Variants in KLRC3 observed in about 807,000 individuals in gnomAD.
KLRC3 encodes the protein killer cell lectin like receptor C3, also known as NKG2-E type II integral membrane protein.
Under a neutral mutation model 23.6 loss-of-function variants are expected in KLRC3, and 16 were observed. The observed-to-expected ratio is 0.68, with a 90% CI of 0.46 to 1.03. The LOEUF (loss-of-function observed/expected upper bound fraction) is 1.03. Among genes scored for constraint, KLRC3 ranks in the 50% least tolerant of loss-of-function variants. The probability of loss-of-function intolerance (pLI) is 0.00; values close to 1 mark genes in which losing one functional copy is unlikely to be tolerated. For synonymous variants in KLRC3, 70 were observed against 71.8 expected, an observed-to-expected ratio of 0.98 and a Z score of 0.13; for missense variants, 209 against 232.2, an observed-to-expected ratio of 0.90 and a Z score of 0.65.
At chr12:10,418,634 T>A (rs1863679671) in intron 3 of KLRC3, 136 bp from the exon 4 acceptor site, 1 of 1,078,646 alleles carries the variant, frequency 9.3e-7, no homozygotes, top group South Asian at 1.7e-5. Flanking sequence ...AGTATATATT[T>A]TTTAATAACT....
At chr12:10,414,977 C>T (rs1357640202) in intron 6 of KLRC3, among the ~76,000 whole-genome samples, 3 of 151,934 alleles carry the variant, frequency 2.0e-5, no homozygotes, top group East Asian at 3.9e-4. Context: ...AAAATATCTG[C>T]ATTTCTGTAT....
Position 10,415,745 on chromosome 12 carries a change from G to A in KLRC3, c.637C>T (p.Arg213Cys), listed in dbSNP as rs569300623. 1.1e-5 allele frequency: 18 copies of A among 1,613,148 alleles called. No individual in the cohort carries two copies. The African/African-American group carries it at 1.2e-4, about 11-fold the overall frequency. ...CCACACTGGTCTGATATAAGTCCAC[G>A]TACATGTAGCATTGCACAGTTACGT... ...AERNCAMLHV[R>C]GLISDQCGSS... Residue 213 changes from arginine (R) to cysteine (C), a missense_variant, in exon 6 of 7, where the codon CGT (arginine) becomes TGT (cysteine). By Grantham distance (180) the Arg-to-Cys change is radical. Coordinates refer to ENST00000396439, the MANE Select transcript of KLRC3 (RefSeq NM_002261.3).
At chr12:10,417,721 C>T (rs958143286) in intron 4 of KLRC3, among the ~76,000 whole-genome samples, 6 of 152,208 alleles carry the variant, frequency 3.9e-5, no homozygotes, top group African/African-American at 1.2e-4. Context: ...CTCACTTCCC[C>T]ATCTAGAGAC....
chr12:10,418,545 A>G (rs994665349), intron 3 of KLRC3, 47 bp from the exon 4 acceptor site: 1 of 1,506,174 alleles, frequency 6.6e-7, no homozygotes, highest in Non-Finnish European at 9.1e-7. Context: ...AATTTTTAAA[A>G]ATGAAAATTA....
chr12:10,420,071 A>T (rs1863699732), intron 1 of KLRC3, 107 bp from the exon 2 acceptor site: 1 of 443,060 alleles, frequency 2.3e-6, no homozygotes, highest in African/African-American at 2.1e-5. Context: ...AGGGAAACAT[A>T]ATGATAAACT....
In KLRC3 at chr12:10,412,345, A is replaced by G; in HGVS notation, c.*227T>C. The G allele has an allele frequency of 3.6e-6, 2 of 561,120 alleles. No individual in the cohort carries two copies. The highest frequency in any genetic ancestry group is 4.4e-5 in the South Asian group (2 of 45,286). 34.8% of individuals were successfully genotyped at this position (561,120 alleles called of 1,614,324 possible). A position where few individuals can be genotyped will look rare whatever the true frequency, so the allele number is the denominator to read the frequency against. On this transcript the variant is annotated 3_prime_UTR_variant, in exon 7 of 7. Transcript: ENST00000396439. The stretch of plus-strand genomic sequence containing the variant: ...TTCATTGATTTATTTTCCAATCATA[A>G]CGGTCTGCATTTTAATATTAATATT...
chr12:10,416,633 A>AT (rs752520454), intron 5 of KLRC3, 34 bp downstream of exon 5: 72 of 1,579,640 alleles, frequency 4.6e-5, no homozygotes, highest in East Asian at 1.3e-4. Context: ...TATCCTTTAT[A>AT]TTTTTTTATA....
intron 5 of KLRC3, 97 bp downstream of exon 5, chr12:10,416,570 T>C: frequency 7.2e-7 from 1 of 1,397,446 alleles, no homozygotes; most frequent in East Asian, 2.5e-5. Context: ...TTTCCACATC[T>C]TTCTTCATAT....
rs754382407 is a variant in KLRC3, at chr12:10,418,394, C to T, written c.436G>A (p.Ala146Thr). The change falls in exon 4 of 7, where the codon GCT becomes ACT. Residue 146 changes from alanine to threonine, a missense_variant. By Grantham distance (58) the Ala-to-Thr change is moderately conservative. Transcript: ENST00000396439. The stretch of plus-strand genomic sequence containing the variant: ...AGCAGACTAGAAGAGTTCTTTGAAG[C>T]ACAGGCCTGCAAACTCTCTTCCCAA... ...RTWEESLQAC[A>T]SKNSSSLLCI... 3 of 1,612,196 alleles carry T rather than the reference C, an allele frequency of 1.9e-6. No homozygotes were observed. Among genetic ancestry groups the T allele is most frequent in the Non-Finnish European group, 2.5e-6 (3 of 1,178,404 alleles).
chr12:10,418,494 A>T lies in KLRC3; in HGVS notation c.336T>A (p.Arg112=). 6.3e-7 allele frequency: 1 copy of T among 1,575,382 alleles called. No individual in the cohort carries two copies. The highest frequency in any genetic ancestry group is 8.7e-7 in the Non-Finnish European group (1 of 1,150,110). ...SSPNARTQKA[R]HCGHCPEEWI... ...ACTCCTCAGGACAATGGCCACAATG[A>T]CGTGCTAATAAAGATATGAATTACT... is the stretch of plus-strand genomic sequence containing the variant. Residue 112 remains arginine, a synonymous_variant, in exon 4 of 7, where the codon CGT becomes CGA. Transcript: ENST00000396439.
In KLRC3 at chr12:10,420,491, C is replaced by T; in HGVS notation, c.60G>A (p.Gln20=). ...TTTTATTGCCTTTAGGTTTCCTTTG[C>T]TGCCACTTTGGGTCCTGGGCCAGAC... ...EVSLAQDPKW[Q]QRKPKGNKSS... is the part of the protein sequence containing the mutation. Residue 20 remains glutamine (Q), a synonymous_variant, in exon 1 of 7, where the codon CAG becomes CAA. Coordinates refer to ENST00000396439, the MANE Select transcript of KLRC3 (RefSeq NM_002261.3). The T allele has an allele frequency of 1.9e-6, 3 of 1,611,436 alleles. No homozygotes were observed. The highest frequency in any genetic ancestry group is 1.7e-6 in the Non-Finnish European group (2 of 1,179,146).
chr12:10,416,527 A>G lies in KLRC3; in HGVS notation c.587+140T>C, dbSNP rs147701735. On this transcript the variant is annotated intron_variant, in intron 5 of 6. Transcript: ENST00000396439. Reference sequence around the variant, plus strand: ...GGACATATATGGACTACTATGGTCTATTGTAAAATATTTGTATCAACATTT... The same window carrying G: ...GGACATATATGGACTACTATGGTCTGTTGTAAAATATTTGTATCAACATTT... 51 of 1,079,798 alleles carry G rather than the reference A, an allele frequency of 4.7e-5. No homozygotes were observed. The East Asian group carries it at 1.3e-3, about 27-fold the overall frequency. 66.9% of individuals were successfully genotyped at this position (1,079,798 alleles called of 1,614,324 possible). A position where few individuals can be genotyped will look rare whatever the true frequency, so the allele number is the denominator to read the frequency against.
At position 10,420,568 on chromosome 12, in the gene KLRC3, G is replaced by C. The variant is rs748781308; in HGVS notation, c.-18C>G. ...TTACTCATCTCTGCAGCTGTGTGAT[G>C]TGAGGGACTGTGCTCTATGATAACT... is the stretch of plus-strand genomic sequence containing the variant. On this transcript the variant is annotated 5_prime_UTR_variant, in exon 1 of 7. Transcript: ENST00000396439. 6.3e-7 allele frequency: 1 copy of C among 1,579,200 alleles called. No homozygotes were observed. The highest frequency in any genetic ancestry group is 1.4e-5 in the African/African-American group (1 of 72,128).
intron 6 of KLRC3, among the ~76,000 whole-genome samples, chr12:10,413,630 T>TTTA (rs932681340): frequency 4.6e-5 from 7 of 152,118 alleles, no homozygotes; most frequent in Non-Finnish European, 7.4e-5. Flanking sequence ...AGCGGTACTC[T>TTTA]TTATTATTAT....
At chr12:10,417,620 C>T (rs1474616212) in intron 4 of KLRC3, among the ~76,000 whole-genome samples, 1 of 147,428 alleles carries the variant, frequency 6.8e-6, no homozygotes, top group Non-Finnish European at 1.5e-5. Context: ...CCAGGAGACA[C>T]CAGGGTGGTT....
At chr12:10,418,246 T>C in intron 4 of KLRC3, 98 bp downstream of exon 4, 1 of 1,179,542 alleles carries the variant, frequency 8.5e-7, no homozygotes, top group Non-Finnish European at 1.2e-6. Context: ...TGAAAATATA[T>C]AAGCTAAATA....
intron 6 of KLRC3, among the ~76,000 whole-genome samples, chr12:10,414,123 C>A (rs1420659301): frequency 6.6e-6 from 1 of 152,068 alleles, no homozygotes; most frequent in Non-Finnish European, 1.5e-5. Context: ...AGAAACATAT[C>A]TTACCCTAGA....
rs745542924 is a variant in KLRC3 at position 10,418,461 on chromosome 12, T to C, written c.369A>G (p.Thr123=). 4 of 1,602,182 alleles carry C rather than the reference T, an allele frequency of 2.5e-6. No individual in the cohort carries two copies. Among genetic ancestry groups the C allele is most frequent in the African/African-American group, 1.3e-5 (1 of 74,660 alleles). ...CAATGTAATAACAACTGTTGGAATA[T>C]GTAATCCACTCCTCAGGACAATGGC... ...HCGHCPEEWI[T]YSNSCYYIGK... Residue 123 remains threonine, a synonymous_variant, in exon 4 of 7, where the codon ACA becomes ACG. Coordinates refer to ENST00000396439, the MANE Select transcript of KLRC3 (RefSeq NM_002261.3).
At chr12:10,418,528 C>T (rs369756210) in intron 3 of KLRC3, 30 bp from the exon 4 acceptor site, 2 of 1,521,206 alleles carry the variant, frequency 1.3e-6, no homozygotes, top group Non-Finnish European at 1.8e-6. Flanking sequence ...CTATCTAGAC[C>T]AATATGAATT....
Sources: gnomAD v4.1 joint callset for allele counts (sites outside exome capture counted in the v4.1 genomes callset) on GRCh38, gnomAD v4.1.1 for gene constraint, MANE v1.5 for transcripts, NCBI Gene and HGNC (gene_info 2026-07-23, HGNC 2026-07-21) for gene names.